Variants in GCC2 observed in about 807,000 individuals in gnomAD.
The protein encoded by GCC2 is GRIP and coiled-coil domain-containing protein 2.
In GCC2, 120 loss-of-function variants were observed where a neutral mutation model predicts 210.6. The observed-to-expected ratio is 0.57, with a 90% CI of 0.49 to 0.66. GCC2 has a LOEUF of 0.66. Among genes scored for constraint, GCC2 ranks in the 30% least tolerant of loss-of-function variants. The pLI is 0.00. For synonymous variants in GCC2, 703 were observed against 652.7 expected, an observed-to-expected ratio of 1.08 and a Z score of -1.17; for missense variants, 1,868 against 1,871.9, an observed-to-expected ratio of 1.00 and a Z score of 0.04.
Position 108,486,508 on chromosome 2 carries a change from C to A in GCC2, c.3793-3C>A. 1 of 1,613,950 alleles carries A rather than the reference C, an allele frequency of 6.2e-7. No individual in the cohort carries two copies. Among genetic ancestry groups the A allele is most frequent in the Non-Finnish European group, 8.5e-7 (1 of 1,179,886 alleles). On this transcript the variant is annotated splice_polypyrimidine_tract_variant and splice_region_variant and intron_variant, in intron 15 of 22. Transcript: ENST00000309863. ...AAAGCTAAATTTAAAGATTTACCCC[C>A]AGATACAGCTGGCTGAAATAACATC...
Position 108,480,333 on chromosome 2 carries a change from G to A in GCC2, c.3061-1364G>A, listed in dbSNP as rs187227989. On this transcript the variant is annotated intron_variant, in intron 9 of 22. Coordinates refer to ENST00000309863, the MANE Select transcript of GCC2 (RefSeq NM_181453.4). ...GGGAGTGTAAATTAGTTCAGCCATTGTGGAAAACAGATTCCTCAAAGACCT... is the reference window on the plus strand; with the variant it reads ...GGGAGTGTAAATTAGTTCAGCCATTATGGAAAACAGATTCCTCAAAGACCT... Among the ~76,000 whole-genome samples the A allele has an allele frequency of 1.6e-3, 248 of 152,258 alleles. No individual in the cohort carries two copies. The Middle Eastern group carries it at 0.031, about 19-fold the overall frequency.
chr2:108,471,763 G>A lies in GCC2; in HGVS notation c.2434G>A (p.Glu812Lys), dbSNP rs1681235355. The A allele has an allele frequency of 6.2e-7, 1 of 1,612,944 alleles. No homozygotes were observed. Among genetic ancestry groups the A allele is most frequent in the East Asian group, 2.2e-5 (1 of 44,828 alleles). The change falls in exon 6 of 23, where the codon GAA becomes AAA. Residue 812 changes from glutamate to lysine, a missense_variant. Around this residue, in one of 3 missense-constraint regions of GCC2, gnomAD observed 1,847 missense variants for 1,765.2 expected, o/e 1.05. Coordinates refer to ENST00000309863, the MANE Select transcript of GCC2 (RefSeq NM_181453.4). ...GCGTGATGAAAAAGTATTAGAGTTA[G>A]AAAAAGAGATTAAGTGCCTTCAAGA... ...FQRDEKVLEL[E>K]KEIKCLQEES...
chr2:108,473,243 T>C (rs765401676), intron 7 of GCC2: 2 of 184,618 alleles, frequency 1.1e-5, no homozygotes, highest in Non-Finnish European at 2.2e-5. Context: ...TGCTCAGAGA[T>C]CTCACTGTTG....
Position 108,470,284 on chromosome 2 carries a change from C to A in GCC2, c.955C>A (p.Leu319Ile), listed in dbSNP as rs755468422. 2 of 1,613,196 alleles carry A rather than the reference C, an allele frequency of 1.2e-6. No individual in the cohort carries two copies. Among genetic ancestry groups the A allele is most frequent in the South Asian group, 1.1e-5 (1 of 90,808 alleles). The change falls in exon 6 of 23, where the codon CTC (leucine) becomes ATC (isoleucine). Residue 319 changes from leucine to isoleucine, a missense_variant. By Grantham distance (5) the Leu-to-Ile change is conservative (BLOSUM62 2). This residue lies in a region of GCC2 where 1,847 missense variants were observed against 1,765.2 expected (regional missense o/e 1.05). Transcript: ENST00000309863. ...CCAAGACAATCAGATATGTTCTATTCTCTTGCAAGAAAATACATTTGTAGA... is the reference window on the plus strand; with the variant it reads ...CCAAGACAATCAGATATGTTCTATTATCTTGCAAGAAAATACATTTGTAGA... ...ANQDNQICSI[L>I]LQENTFVEQV...
intron 2 of GCC2, among the ~76,000 whole-genome samples, chr2:108,450,474 C>T (rs747895770): frequency 1.3e-5 from 2 of 152,206 alleles, no homozygotes; most frequent in Admixed American, 6.5e-5. Context: ...GCAATGTCAA[C>T]CTGTAACATT....
chr2:108,475,642 T>C lies in GCC2; in HGVS notation c.2961+7T>C. On this transcript the variant is annotated splice_region_variant and intron_variant, in intron 8 of 22. Transcript: ENST00000309863. ...AGATTCCAGCAGAAAAGAGGTGAGC[T>C]GACTTTAAAAATGTAAGATTCCGGA... 2 of 1,514,734 alleles carry C rather than the reference T, an allele frequency of 1.3e-6. No individual in the cohort carries two copies. Among genetic ancestry groups the C allele is most frequent in the South Asian group, 1.2e-5 (1 of 81,610 alleles). 93.8% of individuals were successfully genotyped at this position (1,514,734 alleles called of 1,614,324 possible). A position where few individuals can be genotyped will look rare whatever the true frequency, so the allele number is the denominator to read the frequency against.
intron 1 of GCC2, 39 bp downstream of exon 1, chr2:108,449,319 C>G: frequency 1.9e-6 from 3 of 1,542,612 alleles, no homozygotes; most frequent in Non-Finnish European, 2.6e-6. Context: ...ATCAAGCCTT[C>G]CGCGCCGCGA....
At chr2:108,493,365 G>A (rs963448596) in intron 19 of GCC2, 41 of 928,282 alleles carry the variant, frequency 4.4e-5, no homozygotes, top group Non-Finnish European at 5.3e-5. Context: ...TGGGATTACA[G>A]GCATGAGCCA....
chr2:108,482,645 C>A (rs937845267), intron 11 of GCC2, among the ~76,000 whole-genome samples, 194 bp downstream of exon 11: 1 of 152,032 alleles, frequency 6.6e-6, no homozygotes, highest in Admixed American at 6.6e-5. Context: ...TGAAATATTA[C>A]CAAACTTTTT....
At chr2:108,452,172 G>A (rs1261383574) in intron 3 of GCC2, among the ~76,000 whole-genome samples, 3 of 152,114 alleles carry the variant, frequency 2.0e-5, no homozygotes, top group African/African-American at 7.2e-5. Context: ...TTATCAGATG[G>A]ATAAGAAAAG....
At chr2:108,484,867 C>G (rs1320393451) in intron 13 of GCC2, 1 of 151,984 alleles carries the variant, frequency 6.6e-6, no homozygotes, top group Non-Finnish European at 1.5e-5. Flanking sequence ...AAGACACATG[C>G]ACACGTATGT....
In GCC2 at chr2:108,449,206, A is replaced by G; in HGVS notation, c.-69A>G. The G allele has an allele frequency of 6.6e-7, 1 of 1,509,934 alleles. No individual in the cohort carries two copies. Among genetic ancestry groups the G allele is most frequent in the Non-Finnish European group, 9.0e-7 (1 of 1,111,950 alleles). The allele number at this position is 1,509,934 out of a possible 1,614,324, so 93.5% of individuals were successfully genotyped here. On this transcript the variant is annotated 5_prime_UTR_variant, in exon 1 of 23. Coordinates refer to ENST00000309863, the MANE Select transcript of GCC2 (RefSeq NM_181453.4). Reference sequence around the variant, plus strand: ...TTTGACCTGCAGTAGAGCCTACGTCAGAGGCTGGCGCAAACAGAAGTGCAG... The same window carrying G: ...TTTGACCTGCAGTAGAGCCTACGTCGGAGGCTGGCGCAAACAGAAGTGCAG...
chr2:108,477,692 G>A (rs1335364158), intron 9 of GCC2, among the ~76,000 whole-genome samples: 1 of 152,186 alleles, frequency 6.6e-6, no homozygotes, highest in African/African-American at 2.4e-5. Context: ...TAAAAACCTA[G>A]AATGAAATAC....
chr2:108,470,598 CAG>C lies in GCC2; in HGVS notation c.1273_1274del (p.Glu425SerfsTer5), dbSNP rs1477651601. The C allele has an allele frequency of 6.2e-6, 10 of 1,610,114 alleles. No homozygotes were observed. Among genetic ancestry groups the C allele is most frequent in the Admixed American group, 5.0e-5 (3 of 59,706 alleles). The part of the protein sequence containing the change: ...QFCYTVEQHN[R>X]EVQSLKEQHQ... ...TTTGCTATACTGTAGAACAGCATAACAGAGAAGTACAGAGTCTTAAGGAACAA... is the reference window on the plus strand; with the variant it reads ...TTTGCTATACTGTAGAACAGCATAACAGAAGTACAGAGTCTTAAGGAACAA... On this transcript the variant is annotated frameshift_variant, in exon 6 of 23. Transcript: ENST00000309863. LOFTEE classifies it high-confidence loss of function.
intron 3 of GCC2, 28 bp downstream of exon 3, chr2:108,451,140 TCA>T (rs1679922032): frequency 2.3e-6 from 3 of 1,300,710 alleles, no homozygotes; most frequent in Non-Finnish European, 3.3e-6. Flanking sequence ...CTCATCTTGA[TCA>T]CAGTCTCTTT....
At chr2:108,451,601 A>T in intron 3 of GCC2, among the ~76,000 whole-genome samples, 1 of 128,836 alleles carries the variant, frequency 7.8e-6, no homozygotes, top group East Asian at 7.7e-4. Context: ...AAAAGATCTT[A>T]GCACCTTTTT....
rs1396995824 is a variant in GCC2, at chr2:108,489,858, TTGAC to T, written c.4074_4077del (p.Asp1359SerfsTer2). On this transcript the variant is annotated frameshift_variant, in exon 18 of 23. Coordinates refer to ENST00000309863, the MANE Select transcript of GCC2 (RefSeq NM_181453.4). LOFTEE classifies it high-confidence loss of function. ...TTTAGGGAACATCTGGAAATGCTGA[TTGAC>T]CAGCTAAAAATCAAATTACAAGATA... is the stretch of plus-strand genomic sequence containing the variant. The T allele has an allele frequency of 6.2e-7, 1 of 1,603,438 alleles. No individual in the cohort carries two copies. Among genetic ancestry groups the T allele is most frequent in the Non-Finnish European group, 8.5e-7 (1 of 1,176,484 alleles).
Position 108,472,830 on chromosome 2 carries a change from T to A in GCC2, c.2791T>A (p.Ser931Thr), listed in dbSNP as rs769572125. The change falls in exon 7 of 23, where the codon TCC (serine) becomes ACC (threonine). Residue 931 changes from serine to threonine, a missense_variant. Physicochemically the swap from Ser to Thr is moderately conservative, Grantham distance 58. Around this residue, in one of 3 missense-constraint regions of GCC2, gnomAD observed 1,847 missense variants for 1,765.2 expected, o/e 1.05. Coordinates refer to ENST00000309863, the MANE Select transcript of GCC2 (RefSeq NM_181453.4). ...TTTTTTCCCCTGTAAAATCTAGGAT[T>A]CCTTAGCAAAATCACCTTCTGTAAA... ...RRAELILLKD[S>T]LAKSPSVKND... is the part of the protein sequence containing the mutation. 3 of 1,570,490 alleles carry A rather than the reference T, an allele frequency of 1.9e-6. No individual in the cohort carries two copies. Among genetic ancestry groups the A allele is most frequent in the Non-Finnish European group, 2.6e-6 (3 of 1,149,170 alleles).
rs185512962 is a variant in GCC2, at chr2:108,509,164, A to T, written c.*1534A>T. The T allele has an allele frequency of 1.3e-5, 2 of 152,790 alleles. No individual in the cohort carries two copies. Among genetic ancestry groups the T allele is most frequent in the Non-Finnish European group, 1.5e-5 (1 of 68,032 alleles). The allele number at this position is 152,790 out of a possible 1,614,324, so 9.5% of individuals were successfully genotyped here. ...GTGAATATGAGTATGCCAGCTGCAT[A>T]CGATGTAACTAATCATATTTAAATA... On this transcript the variant is annotated 3_prime_UTR_variant, in exon 23 of 23. Transcript: ENST00000309863.
Sources: allele counts gnomAD v4.1 joint callset (sites outside exome capture counted in the v4.1 genomes callset), GRCh38; gene constraint gnomAD v4.1.1; regional missense constraint gnomAD v4.1.1; transcripts MANE v1.5; gene names NCBI Gene and HGNC (gene_info 2026-07-23, HGNC 2026-07-21).